Variants in DCDC1 observed in about 807,000 individuals in gnomAD.
DCDC1 encodes doublecortin domain-containing protein 1.
Under a neutral mutation model 178.3 loss-of-function variants are expected in DCDC1, and 200 were observed. That is an observed-to-expected ratio of 1.12 (90% confidence interval 1.00 to 1.26). The LOEUF (loss-of-function observed/expected upper bound fraction) is 1.26. DCDC1 is among the 50% of genes most tolerant of loss of function. The pLI, the probability that DCDC1 is intolerant of heterozygous loss-of-function variation, is 0.00. For missense variants in DCDC1, 1,983 were observed against 1,749.2 expected (o/e 1.13, Z -2.38); for synonymous variants, 690 against 604.8 (o/e 1.14, Z -2.07).
At chr11:31,105,826 G>T (rs1379126180) in intron 13 of DCDC1, among the ~76,000 whole-genome samples, 1 of 151,978 alleles carries the variant, frequency 6.6e-6, no homozygotes, top group Non-Finnish European at 1.5e-5. Flanking sequence ...TGAATATATA[G>T]CAAATCCAAT....
intron 9 of DCDC1, among the ~76,000 whole-genome samples, chr11:31,203,466 T>C (rs969143415): frequency 3.3e-5 from 5 of 152,208 alleles, no homozygotes; most frequent in African/African-American, 9.6e-5. Flanking sequence ...GAGACACCTA[T>C]ATAACGGCTG....
At chr11:31,014,994 C>G (rs1297278822) in intron 20 of DCDC1, among the ~76,000 whole-genome samples, 6 of 150,340 alleles carry the variant, frequency 4.0e-5, no homozygotes, top group Non-Finnish European at 8.8e-5. Flanking sequence ...GTCGCCCGGG[C>G]TGGATTGCAG....
At chr11:31,118,651 C>G (rs1293384302) in intron 11 of DCDC1, among the ~76,000 whole-genome samples, 1 of 152,186 alleles carries the variant, frequency 6.6e-6, no homozygotes, top group Non-Finnish European at 1.5e-5. Flanking sequence ...GAAGGACAAT[C>G]TCACTGAGAG....
chr11:31,347,119 C>T (rs545668145), intron 1 of DCDC1, among the ~76,000 whole-genome samples: 2 of 152,270 alleles, frequency 1.3e-5, no homozygotes, highest in South Asian at 2.1e-4. Flanking sequence ...CAATAACTAC[C>T]TCCAGCCTCA....
rs528049953 is a variant in DCDC1 at position 31,009,759 on chromosome 11, T to C, written c.2591+54710A>G. Among the ~76,000 whole-genome samples the C allele has an allele frequency of 2.2e-4, 34 of 152,264 alleles. No homozygotes were observed. The South Asian group carries it at 3.9e-3, about 18-fold the overall frequency. On this transcript the variant is annotated intron_variant, in intron 20 of 38. Transcript: ENST00000684477. ...ACATTAGTCCGTTTTCACACTGATA[T>C]AAAGAATTGCCTGAGACGGTAATTT...
chr11:31,025,425 A>G (rs746205789), intron 20 of DCDC1, among the ~76,000 whole-genome samples: 21 of 151,876 alleles, frequency 1.4e-4, no homozygotes, highest in South Asian at 6.2e-4. Context: ...TAAAACATCC[A>G]TTACTATTAA....
intron 9 of DCDC1, among the ~76,000 whole-genome samples, chr11:31,169,240 G>T (rs1236722004): frequency 6.6e-6 from 1 of 152,054 alleles, no homozygotes; most frequent in Admixed American, 6.6e-5. Flanking sequence ...TTGTGGGGTG[G>T]GGGACAAGGA....
intron 27 of DCDC1, among the ~76,000 whole-genome samples, chr11:30,913,149 C>T (rs745888800): frequency 2.8e-4 from 43 of 152,242 alleles, no homozygotes; most frequent in Admixed American, 7.2e-4. Flanking sequence ...TGGCCGGGCG[C>T]GGTGGCTCAC....
rs1962417942 is a variant in DCDC1, at chr11:31,131,345, C to T, written c.1315-3706G>A. Among the ~76,000 whole-genome samples, 4 of 152,186 alleles carry T rather than the reference C, an allele frequency of 2.6e-5. No individual in the cohort carries two copies. In the South Asian group the frequency reaches 8.3e-4, roughly 32 times the overall value. ...AATGGTGTTTATAGGCTATAAAATC[C>T]AGTGACAAGTTTCTCTCGTTATCCT... On this transcript the variant is annotated intron_variant, in intron 10 of 38. Coordinates refer to ENST00000684477, the MANE Select transcript of DCDC1 (RefSeq NM_001387274.1).
intron 1 of DCDC1, among the ~76,000 whole-genome samples, chr11:31,339,812 A>C (rs944582458): frequency 2.0e-5 from 3 of 152,220 alleles, no homozygotes; most frequent in Non-Finnish European, 4.4e-5. Context: ...AATTCTTTCT[A>C]TCTAAACTAG....
At chr11:30,954,601 C>T (rs1250711626) in intron 20 of DCDC1, among the ~76,000 whole-genome samples, 1 of 152,014 alleles carries the variant, frequency 6.6e-6, no homozygotes, top group African/African-American at 2.4e-5. Context: ...CAGTATTAGC[C>T]AATAAAATGT....
chr11:31,361,349 C>T (rs1233990614), intron 1 of DCDC1, among the ~76,000 whole-genome samples: 1 of 152,184 alleles, frequency 6.6e-6, no homozygotes, highest in Admixed American at 6.6e-5. Flanking sequence ...AAAGGAAGGA[C>T]TGAATGAAGA....
chr11:31,276,692 T>C lies in DCDC1; in HGVS notation c.961-11092A>G, dbSNP rs188646251. On this transcript the variant is annotated intron_variant, in intron 7 of 38. Coordinates refer to ENST00000684477, the MANE Select transcript of DCDC1 (RefSeq NM_001387274.1). ...AGTACCTTAAAGGTACTTTTCTGAA[T>C]AAAATCCTAGAGCTAAATATGCTGG... Among the ~76,000 whole-genome samples, 144 of 152,284 alleles carry C rather than the reference T, an allele frequency of 9.5e-4. 1 individual carries two copies. Among genetic ancestry groups the C allele is most frequent in the African/African-American group, 3.2e-3 (134 of 41,580 alleles).
chr11:31,220,928 T>C (rs1248011110), intron 9 of DCDC1, among the ~76,000 whole-genome samples: 1 of 152,134 alleles, frequency 6.6e-6, no homozygotes, highest in African/African-American at 2.4e-5. Context: ...AAGACAGATC[T>C]CTGGTGCCTC....
At chr11:31,291,750 G>C (rs1297369803) in intron 6 of DCDC1, among the ~76,000 whole-genome samples, 1 of 151,948 alleles carries the variant, frequency 6.6e-6, no homozygotes, top group Non-Finnish European at 1.5e-5. Context: ...TTTGTTCTGA[G>C]AGAAACATAA....
chr11:31,361,287 T>C lies in DCDC1; in HGVS notation c.-125+8410A>G, dbSNP rs548542936. Among the ~76,000 whole-genome samples the C allele has an allele frequency of 2.0e-5, 3 of 152,264 alleles. No individual in the cohort carries two copies. The East Asian group carries it at 5.8e-4, about 29-fold the overall frequency. Reference sequence around the variant, plus strand: ...CCATAAAGATGGATCCAAGATGGCATGCATCTGCAAGGGATGGAATTCCAC... The same window carrying C: ...CCATAAAGATGGATCCAAGATGGCACGCATCTGCAAGGGATGGAATTCCAC... On this transcript the variant is annotated intron_variant, in intron 1 of 38. Transcript: ENST00000684477.
chr11:31,032,846 T>C (rs1953749438), intron 20 of DCDC1, among the ~76,000 whole-genome samples: 1 of 152,170 alleles, frequency 6.6e-6, no homozygotes, highest in Admixed American at 6.5e-5. Context: ...TCCAAACTGC[T>C]TGCAAGTACC....
At position 31,195,103 on chromosome 11, in the gene DCDC1, A is replaced by G. The variant is rs554343101; in HGVS notation, c.1221+46347T>C. 2.6e-5 allele frequency among the ~76,000 whole-genome samples: 4 copies of G among 152,204 alleles called. No homozygotes were observed. The South Asian group carries it at 8.3e-4, about 32-fold the overall frequency. On this transcript the variant is annotated intron_variant, in intron 9 of 38. Coordinates refer to ENST00000684477, the MANE Select transcript of DCDC1 (RefSeq NM_001387274.1). Reference sequence around the variant, plus strand: ...CCTTACTTTCTAGCCAGGTGTTTAGAAGAGAGTTACAACATACACGTTTCT... The same window carrying G: ...CCTTACTTTCTAGCCAGGTGTTTAGGAGAGAGTTACAACATACACGTTTCT...
rs59083470 is a variant in DCDC1 at position 31,315,646 on chromosome 11, C to CTT, written c.165-7740_165-7739dup. Among the ~76,000 whole-genome samples the CTT allele has an allele frequency of 5.4e-3, 604 of 112,416 alleles. 9 individuals carry two copies. The highest frequency in any genetic ancestry group is 0.016 in the African/African-American group (434 of 27,110). The allele number at this position is 112,416 out of a possible 152,430, so 73.7% of individuals were successfully genotyped here. A position where few individuals can be genotyped will look rare whatever the true frequency, so the allele number is the denominator to read the frequency against. On this transcript the variant is annotated intron_variant, in intron 3 of 38. Coordinates refer to ENST00000684477, the MANE Select transcript of DCDC1 (RefSeq NM_001387274.1). ...CCACCATGCCCGGCCATCTGCATAC[C>CTT]TTTTTTTTTTTTTTTTTTTTTATTA...
Sources: allele counts gnomAD v4.1 joint callset (sites outside exome capture counted in the v4.1 genomes callset), GRCh38; gene constraint gnomAD v4.1.1; transcripts MANE v1.5; gene names NCBI Gene and HGNC (gene_info 2026-07-23, HGNC 2026-07-21).